OR9Q1: variants seen among roughly 807,000 people sequenced by gnomAD.
OR9Q1 encodes the protein olfactory receptor family 9 subfamily Q member 1.
For synonymous variants in OR9Q1, 153 were observed against 148.6 expected, an observed-to-expected ratio of 1.03 and a Z score of -0.22; for missense variants, 374 against 378.8, an observed-to-expected ratio of 0.99 and a Z score of 0.11.
chr11:58,070,059 T>A (rs972115376), intron 2 of OR9Q1, among the ~76,000 whole-genome samples: 2 of 151,984 alleles, frequency 1.3e-5, no homozygotes, highest in African/African-American at 2.4e-5. Flanking sequence ...TGGAGTGCAG[T>A]GGTGCCATCT....
At chr11:58,132,457 C>G (rs542681757) in intron 2 of OR9Q1, among the ~76,000 whole-genome samples, 2 of 152,006 alleles carry the variant, frequency 1.3e-5, no homozygotes, top group Admixed American at 6.6e-5. Context: ...TAGTATCTAC[C>G]CTATAGGATT....
At chr11:58,156,611 G>A (rs1221995378) in intron 2 of OR9Q1, among the ~76,000 whole-genome samples, 1 of 152,070 alleles carries the variant, frequency 6.6e-6, no homozygotes, top group Non-Finnish European at 1.5e-5. Context: ...TTGGCCATAT[G>A]GATTAAACAT....
At chr11:58,097,301 C>T (rs1210650345) in intron 2 of OR9Q1, among the ~76,000 whole-genome samples, 1 of 152,166 alleles carries the variant, frequency 6.6e-6, no homozygotes, top group Non-Finnish European at 1.5e-5. Context: ...TGAGGACATT[C>T]TTATAAAAGC....
At chr11:58,165,914 G>A (rs1249102952) in intron 2 of OR9Q1, among the ~76,000 whole-genome samples, 1 of 152,182 alleles carries the variant, frequency 6.6e-6, no homozygotes, top group Non-Finnish European at 1.5e-5. Flanking sequence ...AAGGAATTCT[G>A]CTGTTTATTC....
At chr11:58,174,353 G>A (rs1017460129) in intron 2 of OR9Q1, among the ~76,000 whole-genome samples, 7 of 152,060 alleles carry the variant, frequency 4.6e-5, no homozygotes, top group Non-Finnish European at 8.8e-5. Flanking sequence ...CAAGTTAGCC[G>A]AGCCCAAGCC....
At chr11:58,034,027 G>A (rs2119920516) in intron 1 of OR9Q1, among the ~76,000 whole-genome samples, 1 of 150,136 alleles carries the variant, frequency 6.7e-6, no homozygotes, top group East Asian at 2.0e-4. Context: ...CATCCCCTAG[G>A]ATGTTGGCTA....
intron 2 of OR9Q1, among the ~76,000 whole-genome samples, chr11:58,176,946 A>C (rs1854612280): frequency 6.6e-6 from 1 of 152,186 alleles, no homozygotes; most frequent in Non-Finnish European, 1.5e-5. Flanking sequence ...GGACAAAGAG[A>C]GAAGAGGACC....
chr11:58,165,826 T>C (rs537052031), intron 2 of OR9Q1, among the ~76,000 whole-genome samples: 52 of 152,334 alleles, frequency 3.4e-4, no homozygotes, highest in African/African-American at 1.2e-3. Context: ...TCAGTGAGCA[T>C]ATCTTTTGGG....
Position 58,067,247 on chromosome 11 carries a change from C to T in OR9Q1, c.-15+11300C>T, listed in dbSNP as rs1853438802. The stretch of plus-strand genomic sequence containing the variant: ...GAGACAGGGTTTCACCGTGTTAGCC[C>T]GGGTGGTCTCCATCTCCTGACCCCA... On this transcript the variant is annotated intron_variant, in intron 2 of 2. Transcript: ENST00000335397. Among the ~76,000 whole-genome samples the T allele has an allele frequency of 2.0e-5, 3 of 152,044 alleles. 1 individual carries two copies. The highest frequency in any genetic ancestry group is 4.2e-4 in the South Asian group (2 of 4,814).
intron 2 of OR9Q1, chr11:58,073,220 C>A: frequency 4.3e-6 from 1 of 234,804 alleles, no homozygotes; most frequent in South Asian, 7.8e-5. Context: ...AATAAAGTGT[C>A]TCATTTTGAC....
chr11:58,171,733 A>G (rs1854557094), intron 2 of OR9Q1: 1 of 152,304 alleles, frequency 6.6e-6, no homozygotes, highest in East Asian at 1.9e-4. Context: ...AATTACCTTC[A>G]TAGCTCTGCA....
rs1275011605 is a variant in OR9Q1, at chr11:58,180,854, C to T, written c.*477C>T. 6.0e-6 allele frequency: 1 copy of T among 167,606 alleles called. No individual in the cohort carries two copies. Among genetic ancestry groups the T allele is most frequent in the East Asian group, 1.9e-4 (1 of 5,202 alleles). 10.4% of individuals were successfully genotyped at this position (167,606 alleles called of 1,614,324 possible). A position where few individuals can be genotyped will look rare whatever the true frequency, so the allele number is the denominator to read the frequency against. On this transcript the variant is annotated 3_prime_UTR_variant, in exon 3 of 3. Transcript: ENST00000335397. ...TCAATCAATTCACTCATCAAACCAC[C>T]TTTTTTTGATTCATTTCAAGGTGAG...
chr11:58,130,191 T>C (rs932281536), intron 2 of OR9Q1, among the ~76,000 whole-genome samples: 1 of 152,148 alleles, frequency 6.6e-6, no homozygotes, highest in Admixed American at 6.5e-5. Context: ...TTAATGTTTC[T>C]ACAATTCAAT....
At chr11:58,129,833 A>G (rs752000969) in intron 2 of OR9Q1, among the ~76,000 whole-genome samples, 1 of 152,036 alleles carries the variant, frequency 6.6e-6, no homozygotes, top group African/African-American at 2.4e-5. Flanking sequence ...AATATAAGCT[A>G]TAAGAGGGCA....
chr11:58,071,207 G>A (rs1258020108), intron 2 of OR9Q1, among the ~76,000 whole-genome samples: 1 of 152,196 alleles, frequency 6.6e-6, no homozygotes, highest in South Asian at 2.1e-4. Flanking sequence ...CCAGACAGGG[G>A]CTGGGCCTGT....
At position 58,054,225 on chromosome 11, in the gene OR9Q1, A is replaced by G. The variant is rs115441018; in HGVS notation, c.-92-1645A>G. Among the ~76,000 whole-genome samples the G allele has an allele frequency of 5.9e-3, 906 of 152,342 alleles. 8 individuals are homozygous for G. The highest frequency in any genetic ancestry group is 0.021 in the African/African-American group (872 of 41,590). Reference sequence around the variant, plus strand: ...TAGTGACTTTAGATCCAGTGGTTTGATCTTCAAACATCTTTGGAAAAGGTG... The same window carrying G: ...TAGTGACTTTAGATCCAGTGGTTTGGTCTTCAAACATCTTTGGAAAAGGTG... On this transcript the variant is annotated intron_variant, in intron 1 of 2. Transcript: ENST00000335397.
intron 2 of OR9Q1, among the ~76,000 whole-genome samples, chr11:58,067,962 T>C (rs1853445843): frequency 6.6e-6 from 1 of 151,862 alleles, no homozygotes; most frequent in Non-Finnish European, 1.5e-5. Context: ...TGGGGGAGGG[T>C]AGGAGGACCA....
chr11:58,058,051 C>T (rs1022376549), intron 2 of OR9Q1, among the ~76,000 whole-genome samples: 8 of 152,284 alleles, frequency 5.3e-5, no homozygotes, highest in South Asian at 2.1e-4. Flanking sequence ...TTCATTAGGC[C>T]ACACTGCCTC....
intron 2 of OR9Q1, among the ~76,000 whole-genome samples, chr11:58,150,324 G>A (rs1371247669): frequency 6.6e-6 from 1 of 152,120 alleles, no homozygotes; most frequent in Admixed American, 6.6e-5. Context: ...GCCTGGTGTG[G>A]TAGCTCACTC....
Sources: allele counts gnomAD v4.1 joint callset (sites outside exome capture counted in the v4.1 genomes callset), GRCh38; gene constraint gnomAD v4.1.1; transcripts MANE v1.5; gene names NCBI Gene and HGNC (gene_info 2026-07-23, HGNC 2026-07-21).